Variants in ESRRG observed in about 807,000 individuals in gnomAD.
ESRRG encodes estrogen-related receptor gamma.
A neutral mutation model predicts 44.0 loss-of-function variants in ESRRG; 13 were observed. The ratio of observed to expected loss-of-function variants is 0.30; its 90% CI spans 0.19 to 0.47. The LOEUF (loss-of-function observed/expected upper bound fraction) is 0.47, where lower values mean the gene tolerates loss of function less well. Among genes scored for constraint, ESRRG ranks in the 20% least tolerant of loss-of-function variants. The pLI is 1.00. For missense variants in ESRRG, 395 were observed against 580.6 expected, an observed-to-expected ratio of 0.68 and a Z score of 3.29; for synonymous variants, 215 against 214.6, an observed-to-expected ratio of 1.00 and a Z score of -0.02.
At chr1:217,070,592 G>A (rs904861192) in intron 1 of ESRRG, among the ~76,000 whole-genome samples, 2 of 152,180 alleles carry the variant, frequency 1.3e-5, no homozygotes, top group Admixed American at 6.5e-5. Context: ...CATTGGCCAG[G>A]TTGGTCTCGA....
intron 1 of ESRRG, chr1:216,985,804 A>G (rs145785074): frequency 6.6e-6 from 1 of 152,350 alleles, no homozygotes; most frequent in East Asian, 1.9e-4. Flanking sequence ...GTTGGCTGCC[A>G]AGGTAGATGG....
At chr1:216,785,939 C>T (rs896517085) in intron 2 of ESRRG, among the ~76,000 whole-genome samples, 2 of 152,074 alleles carry the variant, frequency 1.3e-5, no homozygotes, top group African/African-American at 4.8e-5. Context: ...GCATGTTTTG[C>T]TGCATGCTTG....
At chr1:216,779,426 ATT>A (rs1386869404) in intron 2 of ESRRG, among the ~76,000 whole-genome samples, 8 of 66,966 alleles carry the variant, frequency 1.2e-4, no homozygotes, top group South Asian at 5.5e-4. Flanking sequence ...ATATTTATAA[ATT>A]TATTTATAAA....
chr1:217,053,917 T>C (rs1311308213), intron 1 of ESRRG, among the ~76,000 whole-genome samples: 1 of 152,076 alleles, frequency 6.6e-6, no homozygotes, highest in Non-Finnish European at 1.5e-5. Context: ...TGTATGGTAC[T>C]ACTTTACAAG....
chr1:216,588,828 T>C (rs745973021), intron 3 of ESRRG, among the ~76,000 whole-genome samples: 1 of 152,172 alleles, frequency 6.6e-6, no homozygotes, highest in Non-Finnish European at 1.5e-5. Context: ...GATTCATTGA[T>C]TCTCCCCACC....
At chr1:216,529,874 G>A (rs2048764932) in intron 5 of ESRRG, among the ~76,000 whole-genome samples, 1 of 151,974 alleles carries the variant, frequency 6.6e-6, no homozygotes, top group Non-Finnish European at 1.5e-5. Flanking sequence ...CACTTTGGGA[G>A]GCCCAGGTGA....
At chr1:216,779,310 T>G (rs1254247451) in intron 2 of ESRRG, among the ~76,000 whole-genome samples, 2 of 78,532 alleles carry the variant, frequency 2.5e-5, no homozygotes, top group Admixed American at 2.0e-4. Flanking sequence ...ATAAACATTA[T>G]ATTTATAAAT....
At chr1:216,771,878 A>G (rs1352367071) in intron 2 of ESRRG, among the ~76,000 whole-genome samples, 1 of 145,358 alleles carries the variant, frequency 6.9e-6, no homozygotes, top group African/African-American at 2.5e-5. Flanking sequence ...ATCAAACCCC[A>G]AAGTGTGTGG....
At chr1:217,043,014 G>T (rs2084159808) in intron 1 of ESRRG, among the ~76,000 whole-genome samples, 1 of 152,088 alleles carries the variant, frequency 6.6e-6, no homozygotes, top group African/African-American at 2.4e-5. Flanking sequence ...CCTCAAACAT[G>T]TTAAAATGCA....
intron 1 of ESRRG, among the ~76,000 whole-genome samples, chr1:216,983,930 T>C (rs576293447): frequency 5.3e-4 from 81 of 151,862 alleles, no homozygotes; most frequent in Non-Finnish European, 9.9e-4. Context: ...TGGTGAAATA[T>C]CCTTATAACC....
intron 3 of ESRRG, among the ~76,000 whole-genome samples, chr1:216,637,236 G>A (rs78256804): frequency 2.4e-4 from 37 of 152,242 alleles, no homozygotes; most frequent in East Asian, 1.9e-3. Context: ...AGAAATATAC[G>A]TAGCTCAAAT....
intron 2 of ESRRG, among the ~76,000 whole-genome samples, chr1:216,905,694 A>G (rs949304777): frequency 3.3e-5 from 5 of 152,172 alleles, no homozygotes; most frequent in African/African-American, 1.2e-4. Flanking sequence ...CTATTTATTA[A>G]AGGAAAATTA....
intron 1 of ESRRG, chr1:216,707,601 A>G (rs2082711025): frequency 6.8e-6 from 7 of 1,022,452 alleles, no homozygotes; most frequent in South Asian, 1.8e-5. Flanking sequence ...TCCTTTTTAC[A>G]TTGGAGACTT....
chr1:216,528,949 T>C (rs544515213), intron 5 of ESRRG, among the ~76,000 whole-genome samples: 1 of 152,102 alleles, frequency 6.6e-6, no homozygotes, highest in East Asian at 1.9e-4. Flanking sequence ...GCCCTTCCTA[T>C]GATAAAGCAG....
rs994473592 is a variant in ESRRG at position 217,061,944 on chromosome 1, C to T, written c.-106+27563G>A. Among the ~76,000 whole-genome samples, 6 of 152,154 alleles carry T rather than the reference C, an allele frequency of 3.9e-5. No individual in the cohort carries two copies. In the South Asian group the frequency reaches 1.0e-3, roughly 26 times the overall value. On this transcript the variant is annotated intron_variant, in intron 1 of 7. Coordinates refer to the ESRRG transcript ENST00000359162. Reference sequence around the variant, plus strand: ...CAGATATAACATCTGCAAAAAACCTCCCTGCTCACCAATGACATGAAACAG... The same window carrying T: ...CAGATATAACATCTGCAAAAAACCTTCCTGCTCACCAATGACATGAAACAG...
At chr1:216,663,400 G>A (rs1461195779) in intron 2 of ESRRG, among the ~76,000 whole-genome samples, 1 of 152,066 alleles carries the variant, frequency 6.6e-6, no homozygotes, top group Non-Finnish European at 1.5e-5. Flanking sequence ...GTAGATTTGG[G>A]ATATGTATTC....
At chr1:216,819,634 T>C (rs1259309255) in intron 2 of ESRRG, among the ~76,000 whole-genome samples, 3 of 148,600 alleles carry the variant, frequency 2.0e-5, no homozygotes, top group Non-Finnish European at 3.0e-5. Context: ...TATTTAGTAC[T>C]TTTTTTTTTG....
intron 1 of ESRRG, among the ~76,000 whole-genome samples, chr1:216,679,286 G>A (rs1333027149): frequency 6.6e-6 from 1 of 152,154 alleles, no homozygotes; most frequent in Non-Finnish European, 1.5e-5. Context: ...CACTGTTAAT[G>A]AACGTTGTAA....
At chr1:217,075,589 T>TCCG (rs149169632) in intron 1 of ESRRG, among the ~76,000 whole-genome samples, 2 of 145,308 alleles carry the variant, frequency 1.4e-5, no homozygotes, top group East Asian at 4.5e-4. Flanking sequence ...ATTGCTCCTT[T>TCCG]CCCCCCCCCA....
Sources: allele counts gnomAD v4.1 joint callset (sites outside exome capture counted in the v4.1 genomes callset), GRCh38; gene constraint gnomAD v4.1.1; transcripts MANE v1.5; gene names NCBI Gene and HGNC (gene_info 2026-07-23, HGNC 2026-07-21).